The following NKAIN2 variants were observed in gnomAD, a reference collection of about 807,000 sequenced individuals.
NKAIN2 encodes the protein sodium/potassium transporting ATPase interacting 2, also known as sodium/potassium-transporting ATPase subunit beta-1-interacting protein 2.
In NKAIN2, 14 loss-of-function variants were observed where a neutral mutation model predicts 32.6. The observed-to-expected ratio is 0.43, with a 90% CI of 0.28 to 0.67. The LOEUF (loss-of-function observed/expected upper bound fraction) is 0.67, where lower values mean the gene tolerates loss of function less well. NKAIN2 is among the 30% of genes least tolerant of loss of function. The pLI is 0.17. For synonymous variants in NKAIN2, 80 were observed against 87.2 expected (o/e 0.92, Z 0.46); for missense variants, 198 against 258.3 (o/e 0.77, Z 1.60).
chr6:124,680,360 C>T (rs182184385), intron 4 of NKAIN2, among the ~76,000 whole-genome samples: 1 of 152,048 alleles, frequency 6.6e-6, no homozygotes, highest in Non-Finnish European at 1.5e-5. Context: ...GAATTGACAT[C>T]TAGTTTTAGT....
chr6:124,451,819 G>T (rs1185633181), intron 3 of NKAIN2, among the ~76,000 whole-genome samples: 1 of 152,092 alleles, frequency 6.6e-6, no homozygotes, highest in Non-Finnish European at 1.5e-5. Context: ...TGCTTCAAGG[G>T]AAGAGATGGG....
At chr6:124,053,197 A>T (rs1782491567) in intron 1 of NKAIN2, among the ~76,000 whole-genome samples, 1 of 151,992 alleles carries the variant, frequency 6.6e-6, no homozygotes. Flanking sequence ...TCACCCAGGT[A>T]TTCAGCCTAA....
At chr6:124,758,871 A>T (rs1778085259) in intron 4 of NKAIN2, among the ~76,000 whole-genome samples, 3 of 152,166 alleles carry the variant, frequency 2.0e-5, no homozygotes, top group South Asian at 4.1e-4. Flanking sequence ...TTTTAGCAAA[A>T]TTGAACATCT....
chr6:123,886,182 A>G (rs1773705732), intron 1 of NKAIN2, among the ~76,000 whole-genome samples: 1 of 152,226 alleles, frequency 6.6e-6, no homozygotes, highest in East Asian at 1.9e-4. Context: ...CAACCTTTCA[A>G]GTTGATAGTT....
At chr6:124,581,810 A>T (rs921492375) in intron 3 of NKAIN2, among the ~76,000 whole-genome samples, 1 of 152,210 alleles carries the variant, frequency 6.6e-6, no homozygotes, top group African/African-American at 2.4e-5. Flanking sequence ...CTTGAAACAA[A>T]TGACAACGGA....
intron 1 of NKAIN2, among the ~76,000 whole-genome samples, chr6:123,908,399 G>A (rs915890425): frequency 6.6e-6 from 1 of 152,156 alleles, no homozygotes; most frequent in African/African-American, 2.4e-5. Context: ...TCCAAACAGA[G>A]AAATAAATCT....
intron 4 of NKAIN2, among the ~76,000 whole-genome samples, chr6:124,693,446 C>G (rs1169847740): frequency 1.3e-5 from 2 of 152,124 alleles, no homozygotes; most frequent in Non-Finnish European, 2.9e-5. Flanking sequence ...TTCTCAGAAC[C>G]ATCGCTAAAT....
chr6:124,078,523 C>G (rs1250712911), intron 1 of NKAIN2, among the ~76,000 whole-genome samples: 1 of 152,076 alleles, frequency 6.6e-6, no homozygotes, highest in East Asian at 1.9e-4. Context: ...CAAAGTCACA[C>G]AGCTAATAAA....
At chr6:124,610,043 G>A (rs751026620) in intron 3 of NKAIN2, among the ~76,000 whole-genome samples, 4 of 152,004 alleles carry the variant, frequency 2.6e-5, no homozygotes, top group African/African-American at 7.3e-5. Flanking sequence ...TATCACTCAC[G>A]ACCTCCTCCT....
At chr6:124,533,895 G>A (rs988302917) in intron 3 of NKAIN2, among the ~76,000 whole-genome samples, 1 of 152,210 alleles carries the variant, frequency 6.6e-6, no homozygotes, top group East Asian at 1.9e-4. Flanking sequence ...GTCCTCACAC[G>A]TATGAAGGAC....
chr6:124,385,846 T>A (rs950686608), intron 3 of NKAIN2, among the ~76,000 whole-genome samples: 6 of 152,064 alleles, frequency 3.9e-5, no homozygotes, highest in African/African-American at 1.2e-4. Context: ...TACATACTCA[T>A]ATATATGTAG....
chr6:124,101,665 T>A (rs192054832), intron 1 of NKAIN2, among the ~76,000 whole-genome samples: 82 of 152,150 alleles, frequency 5.4e-4, no homozygotes, highest in African/African-American at 1.9e-3. Context: ...ACACCTAAAG[T>A]ATGTATGAGA....
At chr6:124,243,214 G>T (rs1184337669) in intron 1 of NKAIN2, among the ~76,000 whole-genome samples, 2 of 151,932 alleles carry the variant, frequency 1.3e-5, no homozygotes, top group Non-Finnish European at 2.9e-5. Context: ...ATGTTGGTTG[G>T]CTGGGTGTAG....
chr6:124,471,247 C>A (rs1017735066), intron 3 of NKAIN2, among the ~76,000 whole-genome samples: 32 of 152,006 alleles, frequency 2.1e-4, no homozygotes, highest in African/African-American at 7.5e-4. Context: ...GGAATTTGAT[C>A]TTTTGTATGG....
chr6:124,438,803 T>C (rs1185787660), intron 3 of NKAIN2, among the ~76,000 whole-genome samples: 1 of 152,178 alleles, frequency 6.6e-6, no homozygotes, highest in Non-Finnish European at 1.5e-5. Context: ...CCCTCTTTCT[T>C]GAAACATTTT....
At position 124,750,628 on chromosome 6, in the gene NKAIN2, G is replaced by A. The variant is rs114050855; in HGVS notation, c.475-40711G>A. 4.0e-3 allele frequency among the ~76,000 whole-genome samples: 615 copies of A among 152,086 alleles called. 2 individuals are homozygous for A. Among genetic ancestry groups the A allele is most frequent in the African/African-American group, 0.014 (585 of 41,538 alleles). Reference sequence around the variant, plus strand: ...TACTTTAAATATACCAGTTGTGTAAGTATATCATTCTGGCTGTGTTGTTTT... The same window carrying A: ...TACTTTAAATATACCAGTTGTGTAAATATATCATTCTGGCTGTGTTGTTTT... On this transcript the variant is annotated intron_variant, in intron 4 of 6. Coordinates refer to ENST00000368417, the MANE Select transcript of NKAIN2 (RefSeq NM_001040214.3).
At chr6:124,032,128 C>G (rs943177594) in intron 1 of NKAIN2, among the ~76,000 whole-genome samples, 4 of 151,820 alleles carry the variant, frequency 2.6e-5, no homozygotes, top group Admixed American at 6.6e-5. Context: ...ACAGATGAAG[C>G]TGGAAACCAT....
In NKAIN2 at chr6:124,311,971, A is replaced by C. The variant is rs74336481; in HGVS notation, c.192+28829A>C. Among the ~76,000 whole-genome samples the C allele has an allele frequency of 4.6e-3, 701 of 152,290 alleles. 4 individuals carry two copies. Among genetic ancestry groups the C allele is most frequent in the Admixed American group, 7.9e-3 (121 of 15,284 alleles). ...TAAGTAGTGGTTAACAGGATTGACCACTGTTAACCTCTAATTCTAACCCCT... is the reference window on the plus strand; with the variant it reads ...TAAGTAGTGGTTAACAGGATTGACCCCTGTTAACCTCTAATTCTAACCCCT... On this transcript the variant is annotated intron_variant, in intron 2 of 6. Transcript: ENST00000368417.
At chr6:124,803,454 G>A (rs956602420) in intron 5 of NKAIN2, among the ~76,000 whole-genome samples, 1 of 152,174 alleles carries the variant, frequency 6.6e-6, no homozygotes, top group Non-Finnish European at 1.5e-5. Context: ...AAGCCTCATA[G>A]ACCACAGACA....
Sources: gnomAD v4.1 joint callset for allele counts (sites outside exome capture counted in the v4.1 genomes callset) on GRCh38, gnomAD v4.1.1 for gene constraint, MANE v1.5 for transcripts, NCBI Gene and HGNC (gene_info 2026-07-23, HGNC 2026-07-21) for gene names.